ITGBL1: variants seen among roughly 807,000 people sequenced by gnomAD.
ITGBL1 encodes the protein integrin subunit beta like 1.
A neutral mutation model predicts 68.5 loss-of-function variants in ITGBL1; 51 were observed. The observed-to-expected ratio is 0.74, with a 90% confidence interval of 0.59 to 0.94. The LOEUF is 0.94. ITGBL1 is among the 40% of genes least tolerant of loss of function. The pLI, the probability that ITGBL1 is intolerant of heterozygous loss-of-function variation, is 0.00. For synonymous variants in ITGBL1, 209 were observed against 227.3 expected, an observed-to-expected ratio of 0.92 and a Z score of 0.72; for missense variants, 649 against 647.4, an observed-to-expected ratio of 1.00 and a Z score of -0.03.
At chr13:101,496,612 A>G (rs1318041138) in intron 2 of ITGBL1, among the ~76,000 whole-genome samples, 1 of 152,172 alleles carries the variant, frequency 6.6e-6, no homozygotes, top group Non-Finnish European at 1.5e-5. Context: ...GATAATCAGT[A>G]TCAATGGCCT....
intron 7 of ITGBL1, among the ~76,000 whole-genome samples, chr13:101,669,899 T>C (rs974447741): frequency 6.6e-6 from 1 of 152,202 alleles, no homozygotes; most frequent in Admixed American, 6.5e-5. Flanking sequence ...TCATACATCA[T>C]TGCCTCTAGC....
At chr13:101,659,114 C>T (rs147859890) in intron 7 of ITGBL1, among the ~76,000 whole-genome samples, 6 of 131,882 alleles carry the variant, frequency 4.5e-5, no homozygotes, top group South Asian at 2.5e-4. Context: ...TGCAGTGGGG[C>T]GATCTCAGCT....
At chr13:101,598,019 C>T (rs1239430444) in intron 6 of ITGBL1, 134 bp from the exon 7 acceptor site, 15 of 707,634 alleles carry the variant, frequency 2.1e-5, no homozygotes, top group Admixed American at 6.7e-5. Flanking sequence ...GAAAAATGTG[C>T]GTTTGCCTTA....
At chr13:101,644,469 G>A (rs896252736) in intron 7 of ITGBL1, among the ~76,000 whole-genome samples, 3 of 152,078 alleles carry the variant, frequency 2.0e-5, no homozygotes, top group Non-Finnish European at 2.9e-5. Context: ...ATGTCGCCTT[G>A]GAGATATTAA....
rs1282028751 is a variant in ITGBL1, at chr13:101,692,607, C to T, written c.1038C>T (p.Cys346=). The T allele has an allele frequency of 6.2e-7, 1 of 1,613,180 alleles. No individual in the cohort carries two copies. The highest frequency in any genetic ancestry group is 8.5e-7 in the Non-Finnish European group (1 of 1,179,224). Residue 346 remains cysteine, a synonymous_variant, in exon 8 of 11, where the codon TGC becomes TGT. Transcript: ENST00000376180. ...SGRGKCECGK[C]TCYPPGDRRV... is the part of the protein sequence containing the mutation. ...CAGGTAAATGTGAATGTGGCAAATG[C>T]ACCTGCTATCCTCCAGGAGATCGCC...
intron 6 of ITGBL1, among the ~76,000 whole-genome samples, chr13:101,586,240 A>G (rs1008433230): frequency 6.6e-6 from 1 of 152,062 alleles, no homozygotes. Flanking sequence ...TTCATACCCT[A>G]TGAGATTCCA....
intron 7 of ITGBL1, among the ~76,000 whole-genome samples, chr13:101,673,142 A>T (rs2033417515): frequency 6.6e-6 from 1 of 152,192 alleles, no homozygotes; most frequent in South Asian, 2.1e-4. Flanking sequence ...TTGAAATAAG[A>T]TTCCTTATCA....
chr13:101,477,319 T>G (rs1284596935), intron 2 of ITGBL1, among the ~76,000 whole-genome samples: 1 of 151,870 alleles, frequency 6.6e-6, no homozygotes, highest in Non-Finnish European at 1.5e-5. Context: ...TACCCAAACC[T>G]ATGGAATACA....
Position 101,510,168 on chromosome 13 carries a change from C to T in ITGBL1, c.316+56068C>T, listed in dbSNP as rs2049092598. 2.0e-5 allele frequency among the ~76,000 whole-genome samples: 3 copies of T among 152,036 alleles called. No individual in the cohort carries two copies. In the South Asian group the frequency reaches 6.2e-4, roughly 32 times the overall value. ...AACCAGTGCTCCCTTCCTCCATCCC[C>T]TCCTCTAGTAGTCCTCAGCATCTAT... On this transcript the variant is annotated intron_variant, in intron 2 of 10. Coordinates refer to ENST00000376180, the MANE Select transcript of ITGBL1 (RefSeq NM_004791.3).
In ITGBL1 at chr13:101,659,611, G is replaced by T. The variant is rs192477908; in HGVS notation, c.1016-32974G>T. Among the ~76,000 whole-genome samples the T allele has an allele frequency of 3.3e-5, 5 of 152,128 alleles. No homozygotes were observed. The East Asian group carries it at 9.7e-4, about 30-fold the overall frequency. ...CCTGTAGCTGGGACTACAGGCATGT[G>T]CCACCGCACCTGGCTAATTTTTTGT... On this transcript the variant is annotated intron_variant, in intron 7 of 10. Transcript: ENST00000376180.
intron 7 of ITGBL1, among the ~76,000 whole-genome samples, chr13:101,626,472 G>A (rs1297709798): frequency 6.6e-6 from 1 of 152,126 alleles, no homozygotes; most frequent in African/African-American, 2.4e-5. Context: ...GAGTCCCCGA[G>A]AGATAGCCCT....
chr13:101,590,438 G>T (rs920474423), intron 6 of ITGBL1, among the ~76,000 whole-genome samples: 6 of 152,010 alleles, frequency 3.9e-5, no homozygotes, highest in East Asian at 1.9e-4. Context: ...GCACGTCACT[G>T]CTTGTGAATT....
intron 2 of ITGBL1, among the ~76,000 whole-genome samples, chr13:101,544,985 AC>A (rs2049792610): frequency 1.3e-5 from 2 of 151,918 alleles, no homozygotes; most frequent in South Asian, 4.2e-4. Context: ...GAATTCCCTG[AC>A]CCCTTGTGCT....
At chr13:101,632,019 A>T (rs1290009978) in intron 7 of ITGBL1, among the ~76,000 whole-genome samples, 4 of 152,068 alleles carry the variant, frequency 2.6e-5, no homozygotes, top group Admixed American at 2.6e-4. Flanking sequence ...CACAAAAAAA[A>T]GCAAAAACTA....
intron 6 of ITGBL1, among the ~76,000 whole-genome samples, chr13:101,586,300 G>A (rs2050556594): frequency 6.6e-6 from 1 of 152,180 alleles, no homozygotes; most frequent in African/African-American, 2.4e-5. Context: ...GGCACAATTG[G>A]CTGTAGTTTG....
rs368755258 is a variant in ITGBL1 at position 101,599,771 on chromosome 13, G to A, written c.1015+1472G>A. On this transcript the variant is annotated intron_variant, in intron 7 of 10. Transcript: ENST00000376180. ...TAGATATGCGGCATTATTTCTGAGG[G>A]CTCTGTTCTGTTCCATTGATCTATA... is the stretch of plus-strand genomic sequence containing the variant. Among the ~76,000 whole-genome samples the A allele has an allele frequency of 5.3e-5, 8 of 152,144 alleles. 1 individual carries two copies. The highest frequency in any genetic ancestry group is 3.3e-4 in the Admixed American group (5 of 15,268).
Position 101,613,203 on chromosome 13 carries a change from A to G in ITGBL1, c.1015+14904A>G, listed in dbSNP as rs143469416. ...ATGAAACTTCTTTGTTAACTTTAATATACAATTTTACGGGCTTACAAGGTT... is the reference window on the plus strand; with the variant it reads ...ATGAAACTTCTTTGTTAACTTTAATGTACAATTTTACGGGCTTACAAGGTT... On this transcript the variant is annotated intron_variant, in intron 7 of 10. Coordinates refer to ENST00000376180, the MANE Select transcript of ITGBL1 (RefSeq NM_004791.3). Among the ~76,000 whole-genome samples the G allele has an allele frequency of 7.9e-3, 1,206 of 152,320 alleles. 16 individuals are homozygous for G. Among genetic ancestry groups the G allele is most frequent in the African/African-American group, 0.028 (1,168 of 41,568 alleles).
At chr13:101,643,452 A>G (rs890268386) in intron 7 of ITGBL1, among the ~76,000 whole-genome samples, 1 of 152,048 alleles carries the variant, frequency 6.6e-6, no homozygotes, top group Non-Finnish European at 1.5e-5. Flanking sequence ...TATCAGCTTA[A>G]GGAGATTTTG....
chr13:101,573,219 AATAGCATAAATT>A (rs1266553575), intron 3 of ITGBL1, among the ~76,000 whole-genome samples: 2 of 152,184 alleles, frequency 1.3e-5, no homozygotes, highest in African/African-American at 4.8e-5. Context: ...TAGATGAAGC[AATAGCATAAATT>A]ATAGCATTAG....
Sources: gnomAD v4.1 joint callset for allele counts (sites outside exome capture counted in the v4.1 genomes callset) on GRCh38, gnomAD v4.1.1 for gene constraint, MANE v1.5 for transcripts, NCBI Gene and HGNC (gene_info 2026-07-23, HGNC 2026-07-21) for gene names.